Variants in ECPAS observed in about 807,000 individuals in gnomAD.
ECPAS encodes Ecm29 proteasome adaptor and scaffold, also known as proteasome adapter and scaffold protein ECM29.
In ECPAS, 70 loss-of-function variants were observed where a neutral mutation model predicts 255.1. The observed-to-expected ratio is 0.27, with a 90% CI of 0.23 to 0.33. The LOEUF is 0.33. ECPAS is among the 10% of genes least tolerant of loss of function. ECPAS has a pLI of 1.00. For missense variants in ECPAS, 1,817 were observed against 2,206.4 expected, an observed-to-expected ratio of 0.82 and a Z score of 3.54; for synonymous variants, 784 against 775.0, an observed-to-expected ratio of 1.01 and a Z score of -0.19.
intron 35 of ECPAS, 126 bp from the exon 36 acceptor site, chr9:111,378,856 G>A: frequency 1.1e-6 from 1 of 870,328 alleles, no homozygotes; most frequent in African/African-American, 1.7e-5. Flanking sequence ...TGCAGAGCCT[G>A]GTCTGGGCAT....
At chr9:111,401,521 T>TA (rs1420056163) in intron 24 of ECPAS, among the ~76,000 whole-genome samples, 1 of 152,190 alleles carries the variant, frequency 6.6e-6, no homozygotes, top group Admixed American at 6.5e-5. Flanking sequence ...ATTGTCTTGA[T>TA]AAACATTTTA....
At chr9:111,434,896 C>T (rs1252410006) in intron 7 of ECPAS, among the ~76,000 whole-genome samples, 13 of 92,142 alleles carry the variant, frequency 1.4e-4, no homozygotes, top group South Asian at 3.7e-4. Context: ...CCACATCTGG[C>T]TTTTTTTTTT....
chr9:111,457,702 T>G (rs992006359), intron 2 of ECPAS, among the ~76,000 whole-genome samples: 2 of 151,954 alleles, frequency 1.3e-5, no homozygotes, highest in South Asian at 4.2e-4. Context: ...GAGAAGAAAA[T>G]TGACTGGTAA....
At chr9:111,385,856 C>A (rs1254574832) in intron 32 of ECPAS, among the ~76,000 whole-genome samples, 1 of 152,214 alleles carries the variant, frequency 6.6e-6, no homozygotes, top group Non-Finnish European at 1.5e-5. Flanking sequence ...TTCATACTTA[C>A]ATAAACTATG....
At position 111,444,330 on chromosome 9, in the gene ECPAS, G is replaced by C. The variant is rs1233665769; in HGVS notation, c.270+48C>G. 19 of 1,308,394 alleles carry C rather than the reference G, an allele frequency of 1.5e-5. No individual in the cohort carries two copies. In the Admixed American group the frequency reaches 3.2e-4, roughly 22 times the overall value. 81.0% of individuals were successfully genotyped at this position (1,308,394 alleles called of 1,614,324 possible). On this transcript the variant is annotated intron_variant, in intron 4 of 49. Transcript: ENST00000684092. ...GTTGATGACATCTAATAAATGTTAG[G>C]AAAGAAAATTTGCTGTAAGTCAGAA... is the stretch of plus-strand genomic sequence containing the variant.
chr9:111,459,789 C>A (rs2098271063), intron 2 of ECPAS, among the ~76,000 whole-genome samples: 1 of 152,040 alleles, frequency 6.6e-6, no homozygotes, highest in Admixed American at 6.6e-5. Flanking sequence ...TTCTAAATTA[C>A]CACAAATATG....
intron 2 of ECPAS, among the ~76,000 whole-genome samples, chr9:111,472,093 C>A (rs1228127590): frequency 6.6e-6 from 1 of 151,730 alleles, no homozygotes; most frequent in Non-Finnish European, 1.5e-5. Context: ...CAAAGGAAGA[C>A]CCTGTGTCAA....
chr9:111,433,754 C>T (rs1369217112), intron 7 of ECPAS, among the ~76,000 whole-genome samples: 2 of 152,052 alleles, frequency 1.3e-5, no homozygotes, highest in African/African-American at 4.8e-5. Context: ...GTCTTGAAGT[C>T]CAAATTTGGG....
chr9:111,413,786 G>A (rs1405810978), intron 20 of ECPAS, 109 bp downstream of exon 20: 9 of 553,878 alleles, frequency 1.6e-5, no homozygotes, highest in Non-Finnish European at 2.1e-5. Context: ...TTTTCAAAAC[G>A]ACCTAAAGGC....
intron 21 of ECPAS, 180 bp downstream of exon 21, chr9:111,411,830 ACCCG>A (rs2098194976): frequency 2.0e-6 from 1 of 511,582 alleles, no homozygotes. Flanking sequence ...CAGACACAGC[ACCCG>A]TATCTGTTAA....
intron 20 of ECPAS, among the ~76,000 whole-genome samples, chr9:111,413,411 T>C (rs562841649): frequency 3.0e-4 from 45 of 152,274 alleles, no homozygotes; most frequent in African/African-American, 1.1e-3. Flanking sequence ...ATGCTGCTTT[T>C]GATAAAAAGA....
At chr9:111,467,760 C>T in intron 2 of ECPAS, among the ~76,000 whole-genome samples, 1 of 152,116 alleles carries the variant, frequency 6.6e-6, no homozygotes, top group Non-Finnish European at 1.5e-5. Context: ...TTCTGATTCA[C>T]AGATATAAGT....
At chr9:111,379,154 TAC>T (rs2098137385) in intron 35 of ECPAS, among the ~76,000 whole-genome samples, 1 of 152,198 alleles carries the variant, frequency 6.6e-6, no homozygotes, top group South Asian at 2.1e-4. Flanking sequence ...GCCACTGTAT[TAC>T]AGTCATGTGC....
intron 7 of ECPAS, 58 bp from the exon 8 acceptor site, chr9:111,433,430 G>C (rs1465359746): frequency 4.4e-6 from 7 of 1,578,998 alleles, no homozygotes; most frequent in South Asian, 2.2e-5. Context: ...GACACCCACT[G>C]AAAGTACTGC....
At chr9:111,370,309 G>A (rs58198888) in intron 45 of ECPAS, 126 bp downstream of exon 45, 20,568 of 627,532 alleles carry the variant, frequency 0.033, 1,099 homozygotes, top group African/African-American at 0.16. Flanking sequence ...GTTTAAGGCC[G>A]TATTTTGGAA....
intron 3 of ECPAS, among the ~76,000 whole-genome samples, chr9:111,448,772 C>T (rs991693662): frequency 1.3e-5 from 2 of 152,086 alleles, no homozygotes; most frequent in African/African-American, 4.8e-5. Flanking sequence ...TGCAATAAAA[C>T]CAGGCAAATT....
chr9:111,451,345 A>C, intron 3 of ECPAS, 80 bp downstream of exon 3: 1 of 1,376,548 alleles, frequency 7.3e-7, no homozygotes, highest in Non-Finnish European at 1.0e-6. Context: ...AGAACTCAAT[A>C]ATGGGAACAG....
Position 111,412,113 on chromosome 9 carries a change from T to A in ECPAS, c.2115A>T (p.Glu705Asp). 6.3e-7 allele frequency: 1 copy of A among 1,591,446 alleles called. No individual in the cohort carries two copies. Among genetic ancestry groups the A allele is most frequent in the East Asian group, 2.3e-5 (1 of 44,252 alleles). Residue 705 changes from glutamate (E) to aspartate (D), a missense_variant, in exon 21 of 50, where the codon GAA becomes GAT. Physicochemically the swap from Glu to Asp is conservative, Grantham distance 45 (BLOSUM62 2). Transcript: ENST00000684092. ...CTACAGAATAAAACAACGCTGCCAG[T>A]TCGCGCATTTCTTCTTTACTGTTAT... is the stretch of plus-strand genomic sequence containing the variant. ...LMNNSKEEMRELAALFYSVVV... is the reference protein window; with the variant it reads ...LMNNSKEEMRDLAALFYSVVV...
At chr9:111,368,041 AAAAC>A (rs1374919021) in intron 46 of ECPAS, among the ~76,000 whole-genome samples, 5 of 149,718 alleles carry the variant, frequency 3.3e-5, no homozygotes, top group Admixed American at 6.6e-5. Context: ...TCTCAAAAAA[AAAAC>A]AAACAAAAAA....
Sources: gnomAD v4.1 joint callset for allele counts (sites outside exome capture counted in the v4.1 genomes callset) on GRCh38, gnomAD v4.1.1 for gene constraint, MANE v1.5 for transcripts, NCBI Gene and HGNC (gene_info 2026-07-23, HGNC 2026-07-21) for gene names.